Variants in SYNJ2 observed in about 807,000 individuals in gnomAD.
SYNJ2 encodes polyphosphatidylinositol phosphatase SYNJ2.
SYNJ2 carries 116 observed loss-of-function variants against 141.3 expected under a neutral mutation model. The ratio of observed to expected loss-of-function variants is 0.82; its 90% CI spans 0.71 to 0.96. SYNJ2 has a LOEUF of 0.96. Among genes scored for constraint, SYNJ2 ranks in the 40% least tolerant of loss-of-function variants. The pLI is 0.00. For synonymous variants in SYNJ2, 745 were observed against 777.7 expected (o/e 0.96, Z 0.70); for missense variants, 1,873 against 1,934.8 (o/e 0.97, Z 0.60).
At chr6:158,002,781 G>T (rs1210967811) in intron 1 of SYNJ2, among the ~76,000 whole-genome samples, 1 of 152,256 alleles carries the variant, frequency 6.6e-6, no homozygotes, top group Non-Finnish European at 1.5e-5. Flanking sequence ...GCCCAGCCCT[G>T]CCTGTTCTGC....
intron 5 of SYNJ2, among the ~76,000 whole-genome samples, chr6:158,045,960 T>C (rs528018681): frequency 1.2e-4 from 19 of 152,318 alleles, no homozygotes; most frequent in African/African-American, 4.6e-4. Context: ...GTTTTGTTTT[T>C]GAGACGAAGT....
intron 25 of SYNJ2, among the ~76,000 whole-genome samples, chr6:158,091,066 C>T (rs574503700): frequency 6.6e-6 from 1 of 151,890 alleles, no homozygotes; most frequent in Non-Finnish European, 1.5e-5. Flanking sequence ...GCCTGTAATC[C>T]CAGCACTTTG....
At chr6:157,997,505 G>C (rs1343637869) in intron 1 of SYNJ2, among the ~76,000 whole-genome samples, 1 of 152,174 alleles carries the variant, frequency 6.6e-6, no homozygotes, top group Non-Finnish European at 1.5e-5. Context: ...CGCAAGACAA[G>C]GAATGCCTGG....
Position 157,982,125 on chromosome 6 carries a change from AG to A in SYNJ2, c.127+40del. On this transcript the variant is annotated intron_variant, in intron 1 of 26. Coordinates refer to ENST00000355585, the MANE Select transcript of SYNJ2 (RefSeq NM_003898.4). This position sits in a 1 kb window ranked among gnomAD's most constrained non-coding sequence, Gnocchi z 4.0. The stretch of plus-strand genomic sequence containing the variant: ...CCGGGGGCAGCGACGCCCGGAGGAG[AG>A]GGCGCCCGCATTCGCCCAGCCTCGG... The A allele has an allele frequency of 7.8e-7, 1 of 1,286,064 alleles. No individual in the cohort carries two copies. Among genetic ancestry groups the A allele is most frequent in the Non-Finnish European group, 9.8e-7 (1 of 1,015,904 alleles). 79.7% of individuals were successfully genotyped at this position (1,286,064 alleles called of 1,614,324 possible). A position where few individuals can be genotyped will look rare whatever the true frequency, so the allele number is the denominator to read the frequency against.
chr6:158,056,117 C>T (rs1169787965), intron 6 of SYNJ2, among the ~76,000 whole-genome samples: 2 of 152,122 alleles, frequency 1.3e-5, no homozygotes, highest in Non-Finnish European at 2.9e-5. Flanking sequence ...ATATTCTACC[C>T]GAAGCTGACC....
Position 158,093,635 on chromosome 6 carries a change from TGTCA to T in SYNJ2, c.3744+534_3744+537del, listed in dbSNP as rs1414504692. 2.6e-5 allele frequency among the ~76,000 whole-genome samples: 4 copies of T among 152,118 alleles called. No individual in the cohort carries two copies. The South Asian group carries it at 6.2e-4, about 24-fold the overall frequency. ...ACGAGGAGTCCACTGTCTGGCACATTGTCAGTGTGACAAGAACAGCTTGGAGGTA... is the reference window on the plus strand; with the variant it reads ...ACGAGGAGTCCACTGTCTGGCACATTGTGTGACAAGAACAGCTTGGAGGTA... On this transcript the variant is annotated intron_variant, in intron 26 of 26. Coordinates refer to ENST00000355585, the MANE Select transcript of SYNJ2 (RefSeq NM_003898.4).
chr6:158,003,123 G>A (rs1342026538), intron 1 of SYNJ2, among the ~76,000 whole-genome samples: 1 of 152,204 alleles, frequency 6.6e-6, no homozygotes, highest in Non-Finnish European at 1.5e-5. Flanking sequence ...TCTCTGGCTG[G>A]GTTGTGATGT....
chr6:157,996,679 A>G (rs1290566949), intron 1 of SYNJ2, among the ~76,000 whole-genome samples: 1 of 152,140 alleles, frequency 6.6e-6, no homozygotes, highest in Non-Finnish European at 1.5e-5. Context: ...GTGGTTTCTC[A>G]TGAATGGTCA....
chr6:158,082,843 T>C (rs1037415751), intron 20 of SYNJ2, among the ~76,000 whole-genome samples: 5 of 152,204 alleles, frequency 3.3e-5, no homozygotes, highest in Non-Finnish European at 7.3e-5. Flanking sequence ...CTTTAGAGTA[T>C]GTATTTTGGA....
rs1378933288 is a variant in SYNJ2 at position 158,071,918 on chromosome 6, G to A, written c.2133+124G>A. 3.0e-5 allele frequency: 35 copies of A among 1,154,906 alleles called. No homozygotes were observed. Among genetic ancestry groups the A allele is most frequent in the South Asian group, 2.2e-4 (14 of 63,928 alleles). 71.5% of individuals were successfully genotyped at this position (1,154,906 alleles called of 1,614,324 possible). A position where few individuals can be genotyped will look rare whatever the true frequency, so the allele number is the denominator to read the frequency against. Reference sequence around the variant, plus strand: ...AGGGCCCCTTCCTGGAGGGCTCAGCGCTGGGGGAGGGGGAGAGGGCTATGT... The same window carrying A: ...AGGGCCCCTTCCTGGAGGGCTCAGCACTGGGGGAGGGGGAGAGGGCTATGT... On this transcript the variant is annotated intron_variant, in intron 15 of 26. Transcript: ENST00000355585. The surrounding 1 kb of genome is among the most constrained non-coding windows in gnomAD (Gnocchi z 4.3).
chr6:158,034,503 C>T (rs1157627686), intron 4 of SYNJ2, among the ~76,000 whole-genome samples: 1 of 152,184 alleles, frequency 6.6e-6, no homozygotes, highest in South Asian at 2.1e-4. Context: ...GGTTTGAGCA[C>T]CTACCTTTAC....
intron 23 of SYNJ2, among the ~76,000 whole-genome samples, chr6:158,088,207 C>T (rs995865680): frequency 6.6e-5 from 10 of 151,582 alleles, no homozygotes; most frequent in African/African-American, 2.4e-4. Flanking sequence ...ACTGCAGGCG[C>T]ATACCATCAG....
intron 1 of SYNJ2, among the ~76,000 whole-genome samples, chr6:157,995,579 C>T (rs1406696374): frequency 6.6e-6 from 1 of 152,218 alleles, no homozygotes. Context: ...CCATCTGTGC[C>T]TGAAATGAGC....
intron 4 of SYNJ2, among the ~76,000 whole-genome samples, chr6:158,042,441 G>A (rs1001359773): frequency 2.0e-5 from 3 of 152,224 alleles, no homozygotes; most frequent in African/African-American, 2.4e-5. Context: ...GGAGCAGGCC[G>A]GTGAGGAACG....
rs1245959618 is a variant in SYNJ2 at position 158,055,005 on chromosome 6, A to T, written c.834A>T (p.Glu278Asp). 12 of 1,613,922 alleles carry T rather than the reference A, an allele frequency of 7.4e-6. No homozygotes were observed. The highest frequency in any genetic ancestry group is 9.3e-6 in the Non-Finnish European group (11 of 1,180,034). ...SHHLRLHRGL[E>D]ANAPAFDRHM... Reference sequence around the variant, plus strand: ...ATCTGAGACTCCACAGAGGCCTGGAAGCCAATGCCCCTGCTTTCGACAGGT... The same window carrying T: ...ATCTGAGACTCCACAGAGGCCTGGATGCCAATGCCCCTGCTTTCGACAGGT... The change falls in exon 6 of 27, where the codon GAA (glutamate) becomes GAT (aspartate). Residue 278 changes from glutamate (E) to aspartate (D), a missense_variant. Physicochemically the swap from Glu to Asp is conservative, Grantham distance 45 (BLOSUM62 2). Coordinates refer to ENST00000355585, the MANE Select transcript of SYNJ2 (RefSeq NM_003898.4).
At position 158,073,934 on chromosome 6, in the gene SYNJ2, G is replaced by A. The variant is rs561588273; in HGVS notation, c.2134-646G>A. Among the ~76,000 whole-genome samples the A allele has an allele frequency of 2.0e-5, 3 of 150,642 alleles. No individual in the cohort carries two copies. The East Asian group carries it at 5.9e-4, about 29-fold the overall frequency. On this transcript the variant is annotated intron_variant, in intron 15 of 26. Coordinates refer to ENST00000355585, the MANE Select transcript of SYNJ2 (RefSeq NM_003898.4). ...TTTTTTAATCTAAGAGAGAGCTGGT[G>A]GTATCTGCTTTGTGCACCTGGAACA...
chr6:157,993,976 G>A lies in SYNJ2; in HGVS notation c.127+11888G>A, dbSNP rs561880896. On this transcript the variant is annotated intron_variant, in intron 1 of 26. Transcript: ENST00000355585. Reference sequence around the variant, plus strand: ...ACTACAGGCGCCCGCCACCACCCCTGGCTAATTTTTTGTATTTTTTAGTAG... The same window carrying A: ...ACTACAGGCGCCCGCCACCACCCCTAGCTAATTTTTTGTATTTTTTAGTAG... Among the ~76,000 whole-genome samples the A allele has an allele frequency of 2.6e-5, 4 of 151,226 alleles. No homozygotes were observed. In the East Asian group the frequency reaches 7.8e-4, roughly 29 times the overall value.
chr6:157,999,067 T>C (rs1777739204), intron 1 of SYNJ2, among the ~76,000 whole-genome samples: 1 of 152,210 alleles, frequency 6.6e-6, no homozygotes, highest in Non-Finnish European at 1.5e-5. Context: ...TGGATGATCA[T>C]AGCATATAAA....
chr6:157,996,280 A>C (rs1309411888), intron 1 of SYNJ2, among the ~76,000 whole-genome samples: 1 of 151,886 alleles, frequency 6.6e-6, no homozygotes, highest in African/African-American at 2.4e-5. Context: ...TCCCACCCCA[A>C]AACAGATGGT....
Sources: allele counts gnomAD v4.1 joint callset (sites outside exome capture counted in the v4.1 genomes callset), GRCh38; gene constraint gnomAD v4.1.1; non-coding constraint Gnocchi (gnomAD v3.1); transcripts MANE v1.5; gene names NCBI Gene and HGNC (gene_info 2026-07-23, HGNC 2026-07-21).